DMD: variants seen among roughly 807,000 people sequenced by gnomAD.
DMD encodes the protein dystrophin, also known as mutant dystrophin.
DMD carries 63 observed loss-of-function variants against 330.1 expected under a neutral mutation model. The observed-to-expected ratio is 0.19, with a 90% CI of 0.16 to 0.24. The LOEUF (loss-of-function observed/expected upper bound fraction) is 0.24, where lower values mean the gene tolerates loss of function less well. Among genes scored for constraint, DMD ranks in the 10% least tolerant of loss-of-function variants. The pLI is 1.00. For missense variants in DMD, 3,344 were observed against 2,684.1 expected (o/e 1.25, Z -5.43); for synonymous variants, 1,223 against 959.8 (o/e 1.27, Z -5.07).
intron 60 of DMD, among the ~76,000 whole-genome samples, chrX:31,376,391 G>A (rs930025402): frequency 8.9e-6 from 1 of 111,891 alleles, no homozygotes; most frequent in African/African-American, 3.2e-5. Context: ...TCTCTGCTTG[G>A]GGGTGAGTGT....
chrX:31,282,783 G>A (rs2052720191), intron 62 of DMD, among the ~76,000 whole-genome samples: 1 of 111,373 alleles, frequency 9.0e-6, no homozygotes, highest in African/African-American at 3.3e-5. Flanking sequence ...TTATGTGTGA[G>A]GGTATGGATT....
chrX:32,017,172 T>C (rs1356994941), intron 44 of DMD, among the ~76,000 whole-genome samples: 1 of 112,144 alleles, frequency 8.9e-6, no homozygotes, highest in Non-Finnish European at 1.9e-5. Context: ...TTTTGATTGG[T>C]TATTGTTTGG....
intron 61 of DMD, among the ~76,000 whole-genome samples, chrX:31,342,391 C>T (rs1056113571): frequency 5.4e-5 from 6 of 112,052 alleles, no homozygotes; most frequent in African/African-American, 1.9e-4. Flanking sequence ...CTGAAAAAGG[C>T]TTCCACAGTC....
chrX:32,840,351 T>C (rs1428136293), intron 4 of DMD, among the ~76,000 whole-genome samples: 1 of 112,265 alleles, frequency 8.9e-6, no homozygotes, highest in Non-Finnish European at 1.9e-5. Context: ...ATTCATTTAA[T>C]AATTTCATTA....
intron 2 of DMD, among the ~76,000 whole-genome samples, chrX:32,885,343 A>C (rs1183746889): frequency 9.0e-6 from 1 of 111,619 alleles, no homozygotes; most frequent in Non-Finnish European, 1.9e-5. Context: ...AAGCCTACTA[A>C]AGAGAATGAA....
chrX:32,645,086 G>A lies in DMD; in HGVS notation c.1027C>T (p.Arg343Cys), dbSNP rs778460564. ...SLMESEVNLDRYQTALEEVLS... is the reference protein window; with the variant it reads ...SLMESEVNLDCYQTALEEVLS... ...ACTTCTTCTAAAGCTGTTTGATAACGGTCCAGGTTTACTTCACTCTCCATC... is the reference window on the plus strand; with the variant it reads ...ACTTCTTCTAAAGCTGTTTGATAACAGTCCAGGTTTACTTCACTCTCCATC... The change falls in exon 10 of 79, where the codon CGT becomes TGT. Residue 343 changes from arginine (R) to cysteine (C), a missense_variant. Coordinates refer to ENST00000357033, the MANE Select transcript of DMD (RefSeq NM_004006.3). The A allele has an allele frequency of 5.0e-6, 6 of 1,211,346 alleles. No homozygotes were observed. Among genetic ancestry groups the A allele is most frequent in the South Asian group, 1.8e-5 (1 of 56,973 alleles).
intron 44 of DMD, among the ~76,000 whole-genome samples, chrX:32,097,877 C>G (rs754049969): frequency 9.0e-6 from 1 of 111,632 alleles, no homozygotes; most frequent in East Asian, 2.8e-4. Context: ...ATTTTTAACA[C>G]GGACTGTTAC....
At chrX:31,167,510 A>G (rs1436227263) in intron 74 of DMD, among the ~76,000 whole-genome samples, 1 of 111,887 alleles carries the variant, frequency 8.9e-6, no homozygotes, top group African/African-American at 3.2e-5. Flanking sequence ...ATATACTTCA[A>G]AAATATATTT....
chrX:32,614,157 C>A, intron 12 of DMD, 146 bp downstream of exon 12: 1 of 597,085 alleles, frequency 1.7e-6, no homozygotes, highest in Non-Finnish European at 2.5e-6. Flanking sequence ...ATTGCAAAAA[C>A]AATTAGGTAA....
intron 60 of DMD, among the ~76,000 whole-genome samples, chrX:31,399,715 T>A (rs1681804576): frequency 9.0e-6 from 1 of 111,547 alleles, no homozygotes; most frequent in African/African-American, 3.3e-5. Flanking sequence ...AGATCTGTTG[T>A]TTAGCAAGAT....
chrX:31,961,137 T>C (rs921781482), intron 45 of DMD, among the ~76,000 whole-genome samples: 4 of 112,130 alleles, frequency 3.6e-5, no homozygotes, highest in African/African-American at 1.3e-4. Flanking sequence ...CTAAATAAAT[T>C]GAAGTTACTT....
intron 23 of DMD, among the ~76,000 whole-genome samples, chrX:32,467,640 A>G (rs1221565733): frequency 9.3e-6 from 1 of 107,438 alleles, no homozygotes; most frequent in Non-Finnish European, 1.9e-5. Flanking sequence ...ACGTATATAT[A>G]TATATATATA....
chrX:32,655,437 G>A (rs760799909), intron 9 of DMD, among the ~76,000 whole-genome samples: 24 of 112,311 alleles, frequency 2.1e-4, no homozygotes, highest in African/African-American at 7.1e-4. Flanking sequence ...TTTCCATGTA[G>A]TTGAGTGGTT....
intron 43 of DMD, among the ~76,000 whole-genome samples, chrX:32,273,162 G>T (rs908297639): frequency 1.8e-5 from 2 of 110,835 alleles, no homozygotes; most frequent in Non-Finnish European, 3.8e-5. Flanking sequence ...GCAGAATTTA[G>T]TAAGCCAGAG....
intron 2 of DMD, among the ~76,000 whole-genome samples, chrX:32,870,981 A>AAAAAAAAAAAAAAAAAAGAAAAAAAAAG (rs1569537090): frequency 1.2e-5 from 1 of 82,571 alleles, no homozygotes; most frequent in East Asian, 3.9e-4. Flanking sequence ...AAAAAAAAAA[A>AAAAAAAAAAAAAAAAAAGAAAAAAAAAG]AAAAAAACCA....
rs187741907 is a variant in DMD, at chrX:31,945,399, C to T, written c.6615-13172G>A. ...TCACCCAGGCTGGGGTGCAGTGGCGCGATCTTGGCTCACAGCAACCTCCAC... is the reference window on the plus strand; with the variant it reads ...TCACCCAGGCTGGGGTGCAGTGGCGTGATCTTGGCTCACAGCAACCTCCAC... On this transcript the variant is annotated intron_variant, in intron 45 of 78. Transcript: ENST00000357033. 5.4e-5 allele frequency among the ~76,000 whole-genome samples: 6 copies of T among 111,742 alleles called. No homozygotes were observed. In the East Asian group the frequency reaches 1.1e-3, roughly 21 times the overall value.
chrX:32,001,397 T>C (rs2095625840), intron 44 of DMD, among the ~76,000 whole-genome samples: 1 of 110,686 alleles, frequency 9.0e-6, no homozygotes, highest in African/African-American at 3.3e-5. Context: ...ACAATAAAAA[T>C]ATTTAGAAAT....
intron 29 of DMD, among the ~76,000 whole-genome samples, chrX:32,434,918 G>A (rs1368373401): frequency 9.0e-6 from 1 of 110,839 alleles, no homozygotes; most frequent in East Asian, 2.8e-4. Flanking sequence ...AACTAAATAT[G>A]CTTTATTTTC....
intron 20 of DMD, 46 bp from the exon 21 acceptor site, chrX:32,485,145 A>G: frequency 1.7e-6 from 2 of 1,164,922 alleles, no homozygotes; most frequent in Non-Finnish European, 2.3e-6. Context: ...TACTTTGCAT[A>G]CATTACATTT....
Sources: gnomAD v4.1 joint callset for allele counts (sites outside exome capture counted in the v4.1 genomes callset) on GRCh38, gnomAD v4.1.1 for gene constraint, MANE v1.5 for transcripts, NCBI Gene and HGNC (gene_info 2026-07-23, HGNC 2026-07-21) for gene names.